ACOT9: variants seen among roughly 807,000 people sequenced by gnomAD.
ACOT9 encodes the protein acyl-CoA thioesterase 9, also known as acyl-coenzyme A thioesterase 9, mitochondrial.
Under a neutral mutation model 39.7 loss-of-function variants are expected in ACOT9, and 34 were observed. The ratio of observed to expected loss-of-function variants is 0.86; its 90% confidence interval spans 0.65 to 1.14. ACOT9 has a LOEUF of 1.14. Among genes scored for constraint, ACOT9 ranks in the 50% most tolerant of loss-of-function variants. The probability of loss-of-function intolerance (pLI) is 0.00; values close to 1 mark genes in which losing one functional copy is unlikely to be tolerated. For synonymous variants in ACOT9, 110 were observed against 120.5 expected, an observed-to-expected ratio of 0.91 and a Z score of 0.57; for missense variants, 313 against 344.1, an observed-to-expected ratio of 0.91 and a Z score of 0.71.
At chrX:23,729,190 C>T (rs1411814245) in intron 6 of ACOT9, among the ~76,000 whole-genome samples, 1 of 111,242 alleles carries the variant, frequency 9.0e-6, no homozygotes, top group African/African-American at 3.3e-5. Context: ...AGTAATGAGA[C>T]AAATCAAAAC....
Position 23,702,458 on chromosome X carries a change from G to C in ACOT9, c.*1436C>G, listed in dbSNP as rs1928516155. The C allele has an allele frequency of 9.1e-6, 1 of 110,222 alleles. No individual in the cohort carries two copies. The highest frequency in any genetic ancestry group is 3.3e-5 in the African/African-American group (1 of 30,269). The allele number at this position is 110,222 out of a possible 1,213,427, so 9.1% of individuals were successfully genotyped here. On this transcript the variant is annotated 3_prime_UTR_variant, in exon 16 of 16. Coordinates refer to ENST00000379303, the MANE Select transcript of ACOT9 (RefSeq NM_001037171.2). ...AGTAGAAACGGGGTTTCACCATCTC[G>C]GCCAGGCTGGTCTTGAACTCCTGAC...
chrX:23,734,649 A>C (rs1012354349), intron 2 of ACOT9, among the ~76,000 whole-genome samples: 7 of 111,868 alleles, frequency 6.3e-5, no homozygotes, highest in African/African-American at 2.3e-4. Context: ...TTGATGTATA[A>C]TTACAACTAA....
intron 15 of ACOT9, 143 bp downstream of exon 15, chrX:23,704,551 G>T: frequency 1.4e-6 from 1 of 712,023 alleles, no homozygotes; most frequent in Admixed American, 3.2e-5. Flanking sequence ...TGGCCTTCAG[G>T]GCTGCCAAAT....
intron 8 of ACOT9, among the ~76,000 whole-genome samples, chrX:23,715,144 C>T (rs776265925): frequency 7.2e-5 from 8 of 111,311 alleles, no homozygotes; most frequent in Non-Finnish European, 9.4e-5. Context: ...CTTCCACCAG[C>T]ACCTGGGCTA....
intron 1 of ACOT9, among the ~76,000 whole-genome samples, chrX:23,742,237 G>GAGAGAGAGAGAGAGAGAGAGGGA (rs1315626821): frequency 1.2e-4 from 5 of 42,923 alleles, no homozygotes; most frequent in Non-Finnish European, 1.6e-4. Context: ...AGAGAGAGAG[G>GAGAGAGAGAGAGAGAGAGAGGGA]GAGAGAGAGA....
chrX:23,720,076 G>A (rs1026581164), intron 8 of ACOT9, among the ~76,000 whole-genome samples: 68 of 112,392 alleles, frequency 6.1e-4, no homozygotes, highest in African/African-American at 1.5e-3. Flanking sequence ...CTGGTGATCT[G>A]CCCGCCTTGG....
At chrX:23,742,237 GGAGA>G (rs1287296568) in intron 1 of ACOT9, among the ~76,000 whole-genome samples, 1 of 42,914 alleles carries the variant, frequency 2.3e-5, no homozygotes, top group Non-Finnish European at 4.0e-5. Context: ...AGAGAGAGAG[GGAGA>G]GAGAGAGAGA....
chrX:23,719,905 C>A (rs538711744), intron 8 of ACOT9, among the ~76,000 whole-genome samples: 1 of 108,941 alleles, frequency 9.2e-6, no homozygotes, highest in Non-Finnish European at 1.9e-5. Context: ...GGTGTGATCT[C>A]GGCTCACTGC....
At position 23,708,722 on chromosome X, in the gene ACOT9, G is replaced by A. The variant is rs974236781; in HGVS notation, c.663-778C>T. On this transcript the variant is annotated intron_variant, in intron 9 of 15. Transcript: ENST00000379303. ...TATAAAGGACATTTTAGGGACAACT[G>A]GTGAAATCTGAATACGGATCACATA... Among the ~76,000 whole-genome samples, 6 of 111,083 alleles carry A rather than the reference G, an allele frequency of 5.4e-5. No individual in the cohort carries two copies. The Admixed American group carries it at 5.8e-4, about 11-fold the overall frequency.
At position 23,720,314 on chromosome X, in the gene ACOT9, A is replaced by T. The variant is rs1244682802; in HGVS notation, c.588+1567T>A. ...CCTAACTACTGTAATAGCTCAAATG[A>T]CTGTTAAGGGCCCAACTGTGTCCCC... On this transcript the variant is annotated intron_variant, in intron 8 of 15. Transcript: ENST00000379303. 4.5e-5 allele frequency among the ~76,000 whole-genome samples: 5 copies of T among 112,140 alleles called. No homozygotes were observed. The Admixed American group carries it at 4.8e-4, about 11-fold the overall frequency.
At chrX:23,735,542 T>G (rs951261673) in intron 2 of ACOT9, among the ~76,000 whole-genome samples, 132 of 111,479 alleles carry the variant, frequency 1.2e-3, no homozygotes, top group African/African-American at 4.2e-3. Flanking sequence ...TAATTGAAAT[T>G]AACTTTAATT....
Position 23,733,084 on chromosome X carries a change from C to T in ACOT9, c.191+88G>A, listed in dbSNP as rs189948386. ...ATCTCTGAACATAGGGCTCCCCATC[C>T]CCACTGTGAGACCATCAACTGAGCC... On this transcript the variant is annotated intron_variant, in intron 4 of 15. Coordinates refer to ENST00000379303, the MANE Select transcript of ACOT9 (RefSeq NM_001037171.2). The T allele has an allele frequency of 5.1e-5, 45 of 888,461 alleles. No individual in the cohort carries two copies. The African/African-American group carries it at 8.0e-4, about 16-fold the overall frequency. The allele number at this position is 888,461 out of a possible 1,213,427, so 73.2% of individuals were successfully genotyped here.
intron 7 of ACOT9, 34 bp from the exon 8 acceptor site, chrX:23,722,018 T>C (rs1413731262): frequency 6.8e-6 from 7 of 1,036,320 alleles, no homozygotes; most frequent in Middle Eastern, 2.6e-4. Flanking sequence ...GTCCAAGTCA[T>C]ACCAAAAATT....
intron 8 of ACOT9, 94 bp from the exon 9 acceptor site, chrX:23,713,302 G>A (rs1928965461): frequency 1.3e-5 from 9 of 702,076 alleles, no homozygotes; most frequent in Non-Finnish European, 2.2e-6. Context: ...TGCTGGCCAG[G>A]TGCAGTCGCT....
At chrX:23,720,688 G>A (rs140091228) in intron 8 of ACOT9, among the ~76,000 whole-genome samples, 1,161 of 110,957 alleles carry the variant, frequency 0.01, 14 homozygotes, top group African/African-American at 0.02. Context: ...TTTTGGATTC[G>A]TAGCCTCCAA....
chrX:23,703,540 G>A lies in ACOT9; in HGVS notation c.*354C>T, dbSNP rs758797456. 1.5e-5 allele frequency: 2 copies of A among 134,199 alleles called. No homozygotes were observed. The highest frequency in any genetic ancestry group is 2.2e-4 in the East Asian group (1 of 4,534). The allele number at this position is 134,199 out of a possible 1,213,427, so 11.1% of individuals were successfully genotyped here. On this transcript the variant is annotated 3_prime_UTR_variant, in exon 16 of 16. Transcript: ENST00000379303. Reference sequence around the variant, plus strand: ...TCACCATGTTGGCCAGGATGGTCTTGATCTCCTGACTTCATGATCCGCCCG... The same window carrying A: ...TCACCATGTTGGCCAGGATGGTCTTAATCTCCTGACTTCATGATCCGCCCG...
intron 6 of ACOT9, among the ~76,000 whole-genome samples, chrX:23,724,332 C>T (rs1424655389): frequency 9.0e-6 from 1 of 111,687 alleles, no homozygotes; most frequent in Non-Finnish European, 1.9e-5. Flanking sequence ...GAGCCTATGG[C>T]ACATCCAAAT....
chrX:23,717,433 G>A (rs1470213984), intron 8 of ACOT9, among the ~76,000 whole-genome samples: 1 of 111,994 alleles, frequency 8.9e-6, no homozygotes, highest in Non-Finnish European at 1.9e-5. Context: ...GGTCCGGCTA[G>A]AGAAAGTCAG....
At chrX:23,721,741 T>C in intron 8 of ACOT9, 140 bp downstream of exon 8, 1 of 426,323 alleles carries the variant, frequency 2.3e-6, no homozygotes, top group Non-Finnish European at 4.0e-6. Context: ...CCACCATCCA[T>C]ATGACATGAG....
Sources: allele counts gnomAD v4.1 joint callset (sites outside exome capture counted in the v4.1 genomes callset), GRCh38; gene constraint gnomAD v4.1.1; transcripts MANE v1.5; gene names NCBI Gene and HGNC (gene_info 2026-07-23, HGNC 2026-07-21).